The following MARK1 variants were observed in gnomAD, a reference collection of about 807,000 sequenced individuals.
MARK1 encodes the protein serine/threonine-protein kinase MARK1.
MARK1 carries 40 observed loss-of-function variants against 96.3 expected under a neutral mutation model. The ratio of observed to expected loss-of-function variants is 0.42; its 90% confidence interval spans 0.32 to 0.54. MARK1 has a LOEUF of 0.54. MARK1 is among the 20% of genes least tolerant of loss of function. The pLI is 0.16. For missense variants in MARK1, 719 were observed against 984.6 expected (o/e 0.73, Z 3.61); for synonymous variants, 317 against 341.2 (o/e 0.93, Z 0.78).
chr1:220,579,693 T>C, intron 2 of MARK1, 136 bp downstream of exon 2: 1 of 662,516 alleles, frequency 1.5e-6, no homozygotes, highest in East Asian at 2.7e-5. Flanking sequence ...AATGGAACAT[T>C]AGTAGGCAGA....
In MARK1 at chr1:220,625,827, A is replaced by G; in HGVS notation, c.910-5208A>G. ...TTAATATTATAGACAAGACCATCCAATGAAGCCTCACCAAATCTACTACTC... is the reference window on the plus strand; with the variant it reads ...TTAATATTATAGACAAGACCATCCAGTGAAGCCTCACCAAATCTACTACTC... On this transcript the variant is annotated intron_variant, in intron 9 of 17. Transcript: ENST00000366917. 3 of 462,030 alleles carry G rather than the reference A, an allele frequency of 6.5e-6. No homozygotes were observed. The East Asian group carries it at 1.8e-4, about 28-fold the overall frequency. 28.6% of individuals were successfully genotyped at this position (462,030 alleles called of 1,614,324 possible). A position where few individuals can be genotyped will look rare whatever the true frequency, so the allele number is the denominator to read the frequency against.
chr1:220,659,127 A>T (rs555823512), intron 17 of MARK1, among the ~76,000 whole-genome samples: 1 of 152,350 alleles, frequency 6.6e-6, no homozygotes, highest in Non-Finnish European at 1.5e-5. Flanking sequence ...GATATTTTAT[A>T]AATGTTTACA....
At chr1:220,635,581 T>C (rs1214421528) in intron 12 of MARK1, 52 bp downstream of exon 12, 2 of 1,566,192 alleles carry the variant, frequency 1.3e-6, no homozygotes, top group South Asian at 1.2e-5. Context: ...TTCCCAAATT[T>C]GTGTTTTTAA....
chr1:220,595,462 G>A (rs1414508809), intron 3 of MARK1, among the ~76,000 whole-genome samples: 1 of 152,190 alleles, frequency 6.6e-6, no homozygotes, highest in Non-Finnish European at 1.5e-5. Flanking sequence ...ATTGTCCAAG[G>A]CTGCAATAGC....
intron 1 of MARK1, among the ~76,000 whole-genome samples, chr1:220,538,132 T>G (rs1473218433): frequency 6.6e-6 from 1 of 150,668 alleles, no homozygotes; most frequent in Non-Finnish European, 1.5e-5. Context: ...TTTTGGTGTT[T>G]TAGACATGAA....
chr1:220,650,494 T>TG, intron 13 of MARK1, 126 bp from the exon 14 acceptor site: 1 of 614,722 alleles, frequency 1.6e-6, no homozygotes, highest in Non-Finnish European at 2.9e-6. Context: ...GGGATAATCT[T>TG]GTTAATATAA....
chr1:220,540,616 A>C (rs961878614), intron 1 of MARK1, among the ~76,000 whole-genome samples: 1 of 151,958 alleles, frequency 6.6e-6, no homozygotes. Context: ...ATGTTATCTG[A>C]TTTGTTGGAA....
chr1:220,632,587 A>C (rs990257833), intron 11 of MARK1, among the ~76,000 whole-genome samples: 5 of 152,210 alleles, frequency 3.3e-5, no homozygotes, highest in African/African-American at 9.6e-5. Context: ...CAGCTTGTGC[A>C]TCCAAATGTA....
chr1:220,626,438 A>G, intron 9 of MARK1: 3 of 543,806 alleles, frequency 5.5e-6, no homozygotes, highest in South Asian at 4.1e-5. Flanking sequence ...ATTGACGACA[A>G]GTCCTATGAG....
intron 13 of MARK1, among the ~76,000 whole-genome samples, chr1:220,647,613 A>G (rs1472844007): frequency 6.6e-6 from 1 of 152,220 alleles, no homozygotes; most frequent in Non-Finnish European, 1.5e-5. Context: ...TTGCAGCACT[A>G]TTAACAATAG....
intron 2 of MARK1, among the ~76,000 whole-genome samples, chr1:220,580,208 T>G (rs1011993964): frequency 6.6e-6 from 1 of 151,894 alleles, no homozygotes; most frequent in African/African-American, 2.4e-5. Flanking sequence ...TCAGGCCCAA[T>G]GCAGTGGCTC....
At chr1:220,591,074 C>G (rs56996639) in intron 3 of MARK1, among the ~76,000 whole-genome samples, 2,239 of 152,200 alleles carry the variant, frequency 0.015, 53 homozygotes, top group African/African-American at 0.052. Flanking sequence ...CCAGTTTTCA[C>G]AAAATGATTT....
At chr1:220,586,960 T>C (rs141092331) in intron 3 of MARK1, among the ~76,000 whole-genome samples, 2,531 of 152,290 alleles carry the variant, frequency 0.017, 36 homozygotes, top group Non-Finnish European at 0.024. Flanking sequence ...TATTTATTTA[T>C]TGCACTAAAA....
At chr1:220,544,089 A>G (rs2102720502) in intron 1 of MARK1, among the ~76,000 whole-genome samples, 1 of 152,274 alleles carries the variant, frequency 6.6e-6, no homozygotes, top group East Asian at 1.9e-4. Context: ...GTAGTAAGGT[A>G]CATGCATGTG....
chr1:220,554,578 G>A (rs929221198), intron 1 of MARK1, among the ~76,000 whole-genome samples: 2 of 152,148 alleles, frequency 1.3e-5, no homozygotes, highest in African/African-American at 4.8e-5. Flanking sequence ...GTTTGAAATA[G>A]CCCCCAGGTA....
intron 16 of MARK1, among the ~76,000 whole-genome samples, chr1:220,655,258 C>T (rs1669102746): frequency 6.6e-6 from 1 of 152,060 alleles, no homozygotes; most frequent in African/African-American, 2.4e-5. Flanking sequence ...TCTGGTTTTC[C>T]TTACACTCTT....
chr1:220,591,920 T>G (rs1665009913), intron 3 of MARK1, among the ~76,000 whole-genome samples: 1 of 152,054 alleles, frequency 6.6e-6, no homozygotes, highest in Non-Finnish European at 1.5e-5. Context: ...AAGCCTAGAT[T>G]TTATTCCAGT....
At chr1:220,544,324 A>G (rs1661337163) in intron 1 of MARK1, among the ~76,000 whole-genome samples, 2 of 152,206 alleles carry the variant, frequency 1.3e-5, no homozygotes, top group South Asian at 2.1e-4. Context: ...GGGGCCTAAT[A>G]AGAGATGATT....
In MARK1 at chr1:220,635,433, A is replaced by T; in HGVS notation, c.1180A>T (p.Ser394Cys). 6.2e-7 allele frequency: 1 copy of T among 1,612,800 alleles called. No individual in the cohort carries two copies. Residue 394 changes from serine to cysteine, a missense_variant, in exon 12 of 18, where the codon AGT (serine) becomes TGT (cysteine). Ser to Cys is a moderately radical substitution (Grantham distance 112). Around this residue, in one of 4 missense-constraint regions of MARK1, gnomAD observed 501 missense variants for 588.3 expected, o/e 0.85. Coordinates refer to ENST00000366917, the MANE Select transcript of MARK1 (RefSeq NM_018650.5). ...CTTGTGTCAGAGGTCCCGGCCCAGTAGTGACTTAAACAACAGCACTCTTCA... is the reference window on the plus strand; with the variant it reads ...CTTGTGTCAGAGGTCCCGGCCCAGTTGTGACTTAAACAACAGCACTCTTCA... ...GNLCQRSRPS[S>C]DLNNSTLQSP...
Sources: gnomAD v4.1 joint callset for allele counts (sites outside exome capture counted in the v4.1 genomes callset) on GRCh38, gnomAD v4.1.1 for gene constraint, gnomAD v4.1.1 regional missense constraint, MANE v1.5 for transcripts, NCBI Gene and HGNC (gene_info 2026-07-23, HGNC 2026-07-21) for gene names.